The following DAZAP1 variants were observed in gnomAD, a reference collection of about 807,000 sequenced individuals.
The protein encoded by DAZAP1 is DAZ-associated protein 1.
DAZAP1 carries 6 observed loss-of-function variants against 60.1 expected under a neutral mutation model. The ratio of observed to expected loss-of-function variants is 0.10; its 90% CI spans 0.05 to 0.20. DAZAP1 has a LOEUF of 0.20. Among genes scored for constraint, DAZAP1 ranks in the 10% least tolerant of loss-of-function variants. DAZAP1 has a pLI of 1.00. For missense variants in DAZAP1, 366 were observed against 560.4 expected (o/e 0.65, Z 3.50); for synonymous variants, 235 against 215.9 (o/e 1.09, Z -0.78).
At position 1,432,834 on chromosome 19, in the gene DAZAP1, G is replaced by T. The variant is rs1292602082; in HGVS notation, c.1048+144G>T. 6 of 978,178 alleles carry T rather than the reference G, an allele frequency of 6.1e-6. No homozygotes were observed. In the East Asian group the frequency reaches 1.6e-4, roughly 26 times the overall value. The allele number at this position is 978,178 out of a possible 1,614,324, so 60.6% of individuals were successfully genotyped here. A position where few individuals can be genotyped will look rare whatever the true frequency, so the allele number is the denominator to read the frequency against. On this transcript the variant is annotated intron_variant, in intron 11 of 11. Coordinates refer to ENST00000233078, the MANE Select transcript of DAZAP1 (RefSeq NM_018959.4). The surrounding 1 kb of genome is among the most constrained non-coding windows in gnomAD (Gnocchi z 4.9). The stretch of plus-strand genomic sequence containing the variant: ...AGAGGGAGGAGAGGGGGGTGTGGGG[G>T]TTGTTGGAGAGATCTCGTGGCAACT...
At position 1,418,488 on chromosome 19, in the gene DAZAP1, A is replaced by G. The variant is rs1396981583; in HGVS notation, c.237+118A>G. ...TAGAGTATGTTTGAACGTGGGGTCG[A>G]TTGGGAAGGATTAAGCCTTGGTGCT... On this transcript the variant is annotated intron_variant, in intron 3 of 11. Transcript: ENST00000233078. This position sits in a 1 kb window ranked among gnomAD's most constrained non-coding sequence, Gnocchi z 5.7. 3 of 1,437,606 alleles carry G rather than the reference A, an allele frequency of 2.1e-6. No individual in the cohort carries two copies. Among genetic ancestry groups the G allele is most frequent in the Non-Finnish European group, 2.9e-6 (3 of 1,033,922 alleles). 89.1% of individuals were successfully genotyped at this position (1,437,606 alleles called of 1,614,324 possible). A position where few individuals can be genotyped will look rare whatever the true frequency, so the allele number is the denominator to read the frequency against.
At position 1,432,738 on chromosome 19, in the gene DAZAP1, G is replaced by A. The variant is rs2083485923; in HGVS notation, c.1048+48G>A. ...GCGTCCCCGCTGGCCCCAGGACCCT[G>A]GGCACGGCCTGCCTTCTTCTGCTTC... On this transcript the variant is annotated intron_variant, in intron 11 of 11. Coordinates refer to ENST00000233078, the MANE Select transcript of DAZAP1 (RefSeq NM_018959.4). The surrounding 1 kb of genome is among the most constrained non-coding windows in gnomAD (Gnocchi z 4.9). 2.0e-6 allele frequency: 3 copies of A among 1,530,088 alleles called. No homozygotes were observed. Among genetic ancestry groups the A allele is most frequent in the Non-Finnish European group, 2.6e-6 (3 of 1,134,654 alleles). The allele number at this position is 1,530,088 out of a possible 1,614,324, so 94.8% of individuals were successfully genotyped here.
In DAZAP1 at chr19:1,422,243, G is replaced by T. The variant is rs150726606; in HGVS notation, c.415-105G>T. The T allele has an allele frequency of 1.7e-5, 18 of 1,028,870 alleles. No individual in the cohort carries two copies. The African/African-American group carries it at 2.2e-4, about 13-fold the overall frequency. The allele number at this position is 1,028,870 out of a possible 1,614,324, so 63.7% of individuals were successfully genotyped here. ...TGCACCTCCCCCGCTCAGGGAGGGC[G>T]CACCCTGTGCGAGAGTTTGGGTTCG... On this transcript the variant is annotated intron_variant, in intron 5 of 11. Transcript: ENST00000233078. This position sits in a 1 kb window ranked among gnomAD's most constrained non-coding sequence, Gnocchi z 4.5.
chr19:1,415,317 C>T (rs1364371241), intron 1 of DAZAP1, among the ~76,000 whole-genome samples: 3 of 140,636 alleles, frequency 2.1e-5, no homozygotes, highest in Non-Finnish European at 3.0e-5. Flanking sequence ...GCTGTTTCTT[C>T]AAGTGACTTG....
At chr19:1,410,339 C>T (rs958915767) in intron 1 of DAZAP1, among the ~76,000 whole-genome samples, 6 of 152,084 alleles carry the variant, frequency 3.9e-5, no homozygotes, top group African/African-American at 4.8e-5. Context: ...GGGTTTGGCA[C>T]GCGGACCCTA....
At chr19:1,431,197 C>T (rs554081416) in intron 10 of DAZAP1, among the ~76,000 whole-genome samples, 2 of 151,574 alleles carry the variant, frequency 1.3e-5, no homozygotes, top group Admixed American at 1.3e-4. Flanking sequence ...GGCGCCATCT[C>T]GGCTTACTGC....
In DAZAP1 at chr19:1,428,565, C is replaced by A; in HGVS notation, c.547-277C>A. On this transcript the variant is annotated intron_variant, in intron 7 of 11. Coordinates refer to ENST00000233078, the MANE Select transcript of DAZAP1 (RefSeq NM_018959.4). This position sits in a 1 kb window ranked among gnomAD's most constrained non-coding sequence, Gnocchi z 4.0. ...TCGTCACGCACGAAACCCCCGAGGG[C>A]TCTGGGCTCGGTCCTGCTGCCCCGC... The A allele has an allele frequency of 2.6e-6, 1 of 385,474 alleles. No individual in the cohort carries two copies. Among genetic ancestry groups the A allele is most frequent in the Non-Finnish European group, 4.7e-6 (1 of 214,522 alleles). The allele number at this position is 385,474 out of a possible 1,614,324, so 23.9% of individuals were successfully genotyped here. A position where few individuals can be genotyped will look rare whatever the true frequency, so the allele number is the denominator to read the frequency against.
intron 4 of DAZAP1, among the ~76,000 whole-genome samples, chr19:1,420,632 G>T (rs557365858): frequency 3.9e-5 from 6 of 152,124 alleles, no homozygotes; most frequent in Non-Finnish European, 8.8e-5. Context: ...AGGAGCAGGC[G>T]CCCTTGCCAG....
In DAZAP1 at chr19:1,428,958, G is replaced by T. The variant is rs779568681; in HGVS notation, c.663G>T (p.Gln221His). Residue 221 changes from glutamine to histidine, a missense_variant, in exon 8 of 12, where the codon CAG (glutamine) becomes CAT (histidine). Around this residue, in one of 3 missense-constraint regions of DAZAP1, gnomAD observed 240 missense variants for 308.8 expected, o/e 0.78. Transcript: ENST00000233078. The surrounding 1 kb of genome is among the most constrained non-coding windows in gnomAD (Gnocchi z 4.0). Reference protein sequence around the residue: ...VPNAANGWAGQPPPTWQQGYG... With the variant: ...VPNAANGWAGHPPPTWQQGYG... ...ACGCTGCCAATGGCTGGGCAGGCCA[G>T]CCCCCGCCCACGTGGCAGCAAGGAT... The T allele has an allele frequency of 6.2e-7, 1 of 1,608,090 alleles. No individual in the cohort carries two copies. The highest frequency in any genetic ancestry group is 1.3e-5 in the African/African-American group (1 of 74,704).
intron 1 of DAZAP1, among the ~76,000 whole-genome samples, chr19:1,411,658 C>T (rs183302628): frequency 5.3e-5 from 8 of 152,360 alleles, no homozygotes; most frequent in African/African-American, 9.6e-5. Flanking sequence ...AGCAGCAGCG[C>T]GCAGCGTGCC....
At chr19:1,410,136 C>T (rs2082783993) in intron 1 of DAZAP1, 1 of 152,212 alleles carries the variant, frequency 6.6e-6, no homozygotes, top group Non-Finnish European at 1.5e-5. Context: ...AGAAGTCGTC[C>T]CAAGTTTTGA....
In DAZAP1 at chr19:1,416,640, T is replaced by TCCCCATTGGGAGTTGGCACAGC. The variant is rs1271579070; in HGVS notation, c.30-858_30-837dup. 1 of 152,238 alleles carries TCCCCATTGGGAGTTGGCACAGC rather than the reference T, an allele frequency of 6.6e-6. No individual in the cohort carries two copies. The highest frequency in any genetic ancestry group is 2.4e-5 in the African/African-American group (1 of 41,386). The allele number at this position is 152,238 out of a possible 1,614,324, so 9.4% of individuals were successfully genotyped here. A position where few individuals can be genotyped will look rare whatever the true frequency, so the allele number is the denominator to read the frequency against. The stretch of plus-strand genomic sequence containing the variant: ...CAGTCCCCATTGGGAGTTGGCACAG[T>TCCCCATTGGGAGTTGGCACAGC]CCCCATTGGGAGTTGGCACAGCCAA... On this transcript the variant is annotated intron_variant, in intron 1 of 11. Coordinates refer to ENST00000233078, the MANE Select transcript of DAZAP1 (RefSeq NM_018959.4). The surrounding 1 kb of genome is among the most constrained non-coding windows in gnomAD (Gnocchi z 4.3).
At chr19:1,408,515 C>T (rs1235508189) in intron 1 of DAZAP1, among the ~76,000 whole-genome samples, 1 of 152,248 alleles carries the variant, frequency 6.6e-6, no homozygotes, top group Admixed American at 6.5e-5. Context: ...ACTCGGGGCT[C>T]CGGGCTCCCC....
Position 1,421,848 on chromosome 19 carries a change from A to G in DAZAP1, c.415-500A>G, listed in dbSNP as rs561799756. On this transcript the variant is annotated intron_variant, in intron 5 of 11. Transcript: ENST00000233078. Reference sequence around the variant, plus strand: ...GCGCACGTTCATCAGGTGGTACCTGAGGGTGCCACGGGCCTGGGCCAGGAA... The same window carrying G: ...GCGCACGTTCATCAGGTGGTACCTGGGGGTGCCACGGGCCTGGGCCAGGAA... Among the ~76,000 whole-genome samples, 5 of 152,094 alleles carry G rather than the reference A, an allele frequency of 3.3e-5. No homozygotes were observed. In the East Asian group the frequency reaches 9.7e-4, roughly 29 times the overall value.
chr19:1,414,004 T>A (rs2082903174), intron 1 of DAZAP1, among the ~76,000 whole-genome samples: 1 of 149,130 alleles, frequency 6.7e-6, no homozygotes, highest in Non-Finnish European at 1.5e-5. Flanking sequence ...TGTGTGTGTG[T>A]GTGTGTGTGT....
At chr19:1,431,912 C>T (rs2083461974) in intron 10 of DAZAP1, 1 of 153,768 alleles carries the variant, frequency 6.5e-6, no homozygotes, top group African/African-American at 2.4e-5. Context: ...CTAGTCCCGT[C>T]TCGGGGGTTT....
chr19:1,426,203 G>C lies in DAZAP1; in HGVS notation c.546+243G>C. On this transcript the variant is annotated intron_variant, in intron 7 of 11. Transcript: ENST00000233078. This position sits in a 1 kb window ranked among gnomAD's most constrained non-coding sequence, Gnocchi z 5.4. ...TGGAGCCCCTCCCTCTGGGTGACCT[G>C]GGACTGGGCGGGTAGGGGGCTGGGG... 2.1e-6 allele frequency: 1 copy of C among 482,734 alleles called. No individual in the cohort carries two copies. Among genetic ancestry groups the C allele is most frequent in the South Asian group, 2.1e-5 (1 of 47,524 alleles). The allele number at this position is 482,734 out of a possible 1,614,324, so 29.9% of individuals were successfully genotyped here. A position where few individuals can be genotyped will look rare whatever the true frequency, so the allele number is the denominator to read the frequency against.
intron 1 of DAZAP1, among the ~76,000 whole-genome samples, chr19:1,412,627 G>T (rs1433168391): frequency 2.0e-5 from 3 of 152,244 alleles, no homozygotes; most frequent in Admixed American, 6.5e-5. Context: ...AGGAGGTCAG[G>T]GCTCTTTGTG....
Position 1,410,602 on chromosome 19 carries a change from G to A in DAZAP1, c.29+2800G>A, listed in dbSNP as rs568868480. On this transcript the variant is annotated intron_variant, in intron 1 of 11. Transcript: ENST00000233078. ...GGATTCTGGGAAGCTGACACAGCGCGGCCGGGGTCGCCACATCCTGTTGAG... is the reference window on the plus strand; with the variant it reads ...GGATTCTGGGAAGCTGACACAGCGCAGCCGGGGTCGCCACATCCTGTTGAG... Among the ~76,000 whole-genome samples, 32 of 152,218 alleles carry A rather than the reference G, an allele frequency of 2.1e-4. 1 individual carries two copies. The highest frequency in any genetic ancestry group is 2.0e-3 in the Admixed American group (31 of 15,282).
Sources: allele counts gnomAD v4.1 joint callset (sites outside exome capture counted in the v4.1 genomes callset), GRCh38; gene constraint gnomAD v4.1.1; regional missense constraint gnomAD v4.1.1; non-coding constraint Gnocchi (gnomAD v3.1); transcripts MANE v1.5; gene names NCBI Gene and HGNC (gene_info 2026-07-23, HGNC 2026-07-21).